The following CHM variants were observed in gnomAD, a reference collection of about 807,000 sequenced individuals.
CHM encodes rab proteins geranylgeranyltransferase component A 1.
Under a neutral mutation model 49.0 loss-of-function variants are expected in CHM, and 10 were observed. The ratio of observed to expected loss-of-function variants is 0.20; its 90% CI spans 0.13 to 0.35. The LOEUF is 0.35. CHM is among the 10% of genes least tolerant of loss of function. CHM has a pLI of 1.00. For synonymous variants in CHM, 184 were observed against 167.5 expected (o/e 1.10, Z -0.76); for missense variants, 455 against 478.4 (o/e 0.95, Z 0.46).
At chrX:86,036,492 G>C (rs751681103) in intron 1 of CHM, among the ~76,000 whole-genome samples, 5 of 110,936 alleles carry the variant, frequency 4.5e-5, no homozygotes, top group Non-Finnish European at 7.5e-5. Context: ...AGAGCAGGTT[G>C]TAAAATGTTT....
At position 85,861,861 on chromosome X, in the gene CHM, C is replaced by T. The variant is rs1380013618; in HGVS notation, c.*2769G>A. The T allele has an allele frequency of 9.0e-6, 1 of 111,487 alleles. No individual in the cohort carries two copies. Among genetic ancestry groups the T allele is most frequent in the Non-Finnish European group, 1.9e-5 (1 of 53,027 alleles). 9.2% of individuals were successfully genotyped at this position (111,487 alleles called of 1,213,427 possible). A position where few individuals can be genotyped will look rare whatever the true frequency, so the allele number is the denominator to read the frequency against. ...AGCATTTTCTGAAATTTTAAATTAG[C>T]TACTGAAAATTTTCCACTATGTACA... On this transcript the variant is annotated 3_prime_UTR_variant, in exon 15 of 15. Coordinates refer to ENST00000357749, the MANE Select transcript of CHM (RefSeq NM_000390.4).
At chrX:85,939,458 T>C (rs1156415834) in intron 8 of CHM, among the ~76,000 whole-genome samples, 2 of 112,340 alleles carry the variant, frequency 1.8e-5, no homozygotes, top group Non-Finnish European at 3.8e-5. Flanking sequence ...ACAAGGAAAG[T>C]GATTAAATTA....
In CHM at chrX:85,862,474, T is replaced by C. The variant is rs1405764237; in HGVS notation, c.*2156A>G. On this transcript the variant is annotated 3_prime_UTR_variant, in exon 15 of 15. Coordinates refer to ENST00000357749, the MANE Select transcript of CHM (RefSeq NM_000390.4). ...AATATCCGGTACATTAATAAGTATG[T>C]ATTAGACATTGAGTGCATATGCCCC... 8.9e-6 allele frequency: 1 copy of C among 112,439 alleles called. No individual in the cohort carries two copies. Among genetic ancestry groups the C allele is most frequent in the Non-Finnish European group, 1.9e-5 (1 of 53,258 alleles). 9.3% of individuals were successfully genotyped at this position (112,439 alleles called of 1,213,427 possible).
intron 8 of CHM, among the ~76,000 whole-genome samples, chrX:85,920,036 G>T: frequency 9.0e-6 from 1 of 111,578 alleles, no homozygotes; most frequent in Non-Finnish European, 1.9e-5. Context: ...GGTTGGGGGT[G>T]TAAGGATTAC....
intron 12 of CHM, among the ~76,000 whole-genome samples, chrX:85,885,499 A>T (rs2148133324): frequency 9.0e-6 from 1 of 110,805 alleles, no homozygotes; most frequent in East Asian, 2.8e-4. Context: ...CATGAATAAT[A>T]TATCTTTAAA....
At chrX:86,002,558 C>A (rs1932764163) in intron 2 of CHM, among the ~76,000 whole-genome samples, 1 of 112,291 alleles carries the variant, frequency 8.9e-6, no homozygotes, top group Non-Finnish European at 1.9e-5. Context: ...GGTTGGACAG[C>A]GGGTGCAGCC....
intron 2 of CHM, among the ~76,000 whole-genome samples, chrX:86,013,215 G>A (rs12848428): frequency 0.45 from 49,377 of 109,684 alleles, 9,562 homozygotes; most frequent in Non-Finnish European, 0.6. Context: ...CTAATTGTCA[G>A]TGTATCCTCA....
chrX:85,979,888 T>C (rs1414414151), intron 3 of CHM, among the ~76,000 whole-genome samples: 1 of 111,261 alleles, frequency 9.0e-6, no homozygotes, highest in Non-Finnish European at 1.9e-5. Context: ...TCAAGTATAA[T>C]ATTAGATAGT....
At chrX:86,014,902 A>G (rs1933225439) in intron 2 of CHM, among the ~76,000 whole-genome samples, 1 of 111,129 alleles carries the variant, frequency 9.0e-6, no homozygotes, top group African/African-American at 3.3e-5. Flanking sequence ...ACAAAATCAA[A>G]CATAATAACA....
intron 2 of CHM, among the ~76,000 whole-genome samples, chrX:85,995,856 T>A (rs766471770): frequency 9.0e-6 from 1 of 111,459 alleles, no homozygotes; most frequent in African/African-American, 3.3e-5. Context: ...ACAGACATCA[T>A]AAAATCTGTC....
At chrX:85,865,880 T>A (rs1275187524) in intron 14 of CHM, among the ~76,000 whole-genome samples, 1 of 112,218 alleles carries the variant, frequency 8.9e-6, no homozygotes, top group Admixed American at 9.5e-5. Flanking sequence ...AAAAAATTTC[T>A]AAGCAGCAAA....
intron 13 of CHM, among the ~76,000 whole-genome samples, chrX:85,878,309 G>A (rs1475072164): frequency 9.0e-6 from 1 of 110,845 alleles, no homozygotes; most frequent in African/African-American, 3.3e-5. Context: ...GGAAAACCCC[G>A]TCTCTATTAC....
chrX:85,883,223 T>G (rs983366321), intron 12 of CHM, among the ~76,000 whole-genome samples: 1 of 111,718 alleles, frequency 9.0e-6, no homozygotes, highest in Non-Finnish European at 1.9e-5. Flanking sequence ...ATTTAAAGAA[T>G]CTTTATTTAT....
At chrX:85,959,406 T>G (rs1447882817) in intron 5 of CHM, among the ~76,000 whole-genome samples, 4 of 111,147 alleles carry the variant, frequency 3.6e-5, no homozygotes, top group Non-Finnish European at 7.6e-5. Context: ...AATGATAGAA[T>G]ACACCAGGCC....
intron 8 of CHM, among the ~76,000 whole-genome samples, chrX:85,925,683 T>C (rs1192421434): frequency 9.0e-6 from 1 of 111,532 alleles, no homozygotes; most frequent in Non-Finnish European, 1.9e-5. Flanking sequence ...ATTTAAATCA[T>C]TGTTCCATTT....
At chrX:86,043,795 T>C (rs1465391102) in intron 1 of CHM, among the ~76,000 whole-genome samples, 1 of 109,449 alleles carries the variant, frequency 9.1e-6, no homozygotes, top group Non-Finnish European at 1.9e-5. Flanking sequence ...TGGTGCCATC[T>C]AAGCTCACTG....
At chrX:85,868,019 C>CTGTGTGTGTG (rs36027427) in intron 14 of CHM, among the ~76,000 whole-genome samples, 35 of 95,814 alleles carry the variant, frequency 3.7e-4, no homozygotes, top group Non-Finnish European at 6.0e-4. Flanking sequence ...ATAGTTACCA[C>CTGTGTGTGTG]TGTGTGTGTG....
intron 1 of CHM, among the ~76,000 whole-genome samples, chrX:86,032,375 G>A (rs1401153080): frequency 9.0e-6 from 1 of 111,064 alleles, no homozygotes; most frequent in Non-Finnish European, 1.9e-5. Flanking sequence ...GGTACAAAAC[G>A]GTATCAAACA....
At chrX:86,034,680 T>TGA (rs1358885756) in intron 1 of CHM, among the ~76,000 whole-genome samples, 2 of 111,314 alleles carry the variant, frequency 1.8e-5, no homozygotes, top group African/African-American at 6.5e-5. Flanking sequence ...CTCGGGAGGC[T>TGA]GAGGCAGGAG....
Sources: gnomAD v4.1 joint callset for allele counts (sites outside exome capture counted in the v4.1 genomes callset) on GRCh38, gnomAD v4.1.1 for gene constraint, MANE v1.5 for transcripts, NCBI Gene and HGNC (gene_info 2026-07-23, HGNC 2026-07-21) for gene names.